Variants in TCF12 observed in about 807,000 individuals in gnomAD.
TCF12 encodes the protein DNA-binding protein HTF4.
TCF12 carries 45 observed loss-of-function variants against 86.0 expected under a neutral mutation model. The ratio of observed to expected loss-of-function variants is 0.52; its 90% CI spans 0.41 to 0.67. The LOEUF (loss-of-function observed/expected upper bound fraction) is 0.67, where lower values mean the gene tolerates loss of function less well. TCF12 is among the 30% of genes least tolerant of loss of function. The pLI, the probability that TCF12 is intolerant of heterozygous loss-of-function variation, is 0.00. For synonymous variants in TCF12, 330 were observed against 299.6 expected (o/e 1.10, Z -1.05); for missense variants, 881 against 859.9 (o/e 1.02, Z -0.31).
intron 3 of TCF12, among the ~76,000 whole-genome samples, chr15:56,941,457 C>G (rs1356669566): frequency 4.0e-5 from 6 of 151,476 alleles, no homozygotes; most frequent in African/African-American, 1.2e-4. Context: ...ACTGCAACCT[C>G]TGGCTCCCAG....
At chr15:57,101,711 G>A (rs752115686) in intron 5 of TCF12, among the ~76,000 whole-genome samples, 1 of 152,088 alleles carries the variant, frequency 6.6e-6, no homozygotes, top group Non-Finnish European at 1.5e-5. Context: ...GATATGTTTT[G>A]GTGGTTCCAC....
intron 12 of TCF12, among the ~76,000 whole-genome samples, chr15:57,241,382 G>A (rs142694419): frequency 3.9e-4 from 59 of 151,930 alleles, no homozygotes; most frequent in African/African-American, 1.2e-3. Context: ...GTGAGCTACC[G>A]CACCCGGCCT....
At chr15:57,281,685 T>C (rs2431022) in intron 19 of TCF12, 150,508 of 152,414 alleles carry the variant, frequency 0.99, 74,346 homozygotes, top group Middle Eastern at 1. Flanking sequence ...TCTAGGTTGC[T>C]TGCTCCTTAT....
intron 16 of TCF12, among the ~76,000 whole-genome samples, chr15:57,254,236 T>C (rs891226100): frequency 5.3e-5 from 8 of 152,236 alleles, no homozygotes; most frequent in African/African-American, 1.2e-4. Flanking sequence ...CTATAAGCCA[T>C]GTGATGAAGG....
chr15:57,042,437 A>C (rs75860060), intron 3 of TCF12, among the ~76,000 whole-genome samples: 1,773 of 152,088 alleles, frequency 0.012, 34 homozygotes, highest in African/African-American at 0.036. Flanking sequence ...ATATATAGAC[A>C]AAGTCTTAAC....
chr15:57,074,513 C>G (rs982952256), intron 4 of TCF12, among the ~76,000 whole-genome samples: 2 of 151,912 alleles, frequency 1.3e-5, no homozygotes, highest in African/African-American at 4.8e-5. Context: ...TTGTTTGTTT[C>G]TTTGTTTGTT....
intron 6 of TCF12, among the ~76,000 whole-genome samples, chr15:57,189,306 G>A (rs1423557749): frequency 6.6e-6 from 1 of 152,140 alleles, no homozygotes; most frequent in African/African-American, 2.4e-5. Context: ...TGAAAAGACA[G>A]TCTACAGAAT....
At chr15:57,161,583 G>T (rs1654586375) in intron 5 of TCF12, among the ~76,000 whole-genome samples, 1 of 152,076 alleles carries the variant, frequency 6.6e-6, no homozygotes, top group African/African-American at 2.4e-5. Flanking sequence ...ATAATATGTT[G>T]CTATTCTACT....
At chr15:57,061,375 T>C (rs1299403512) in intron 3 of TCF12, among the ~76,000 whole-genome samples, 5 of 152,126 alleles carry the variant, frequency 3.3e-5, no homozygotes, top group African/African-American at 1.2e-4. Flanking sequence ...GGAGAATCGC[T>C]GGAGGCCAGG....
At chr15:57,007,814 C>CT (rs1238701741) in intron 3 of TCF12, among the ~76,000 whole-genome samples, 1 of 133,868 alleles carries the variant, frequency 7.5e-6, no homozygotes, top group Non-Finnish European at 1.6e-5. Context: ...TTCTTTCTTT[C>CT]TTTCTTTTTC....
chr15:57,290,017 ATTT>A (rs34358500), downstream of TCF12, among the ~76,000 whole-genome samples: 8 of 142,684 alleles, frequency 5.6e-5, no homozygotes, highest in Non-Finnish European at 9.1e-5. Flanking sequence ...TTTTAAGAGG[ATTT>A]TTTTTTTTTT....
At chr15:57,278,419 G>T (rs1232137604) in intron 19 of TCF12, among the ~76,000 whole-genome samples, 1 of 152,048 alleles carries the variant, frequency 6.6e-6, no homozygotes, top group Non-Finnish European at 1.5e-5. Context: ...TAGATCTCTT[G>T]GAGCATTCAG....
At chr15:57,015,016 G>A (rs927776791) in intron 3 of TCF12, among the ~76,000 whole-genome samples, 11 of 152,032 alleles carry the variant, frequency 7.2e-5, no homozygotes, top group Admixed American at 3.3e-4. Context: ...TAGTCCAGGC[G>A]TGGTGGCTCA....
chr15:57,176,439 G>A (rs1461704939), intron 6 of TCF12, among the ~76,000 whole-genome samples: 3 of 152,182 alleles, frequency 2.0e-5, no homozygotes, highest in African/African-American at 7.2e-5. Flanking sequence ...CAGGATTGCA[G>A]GCCAGTTAGC....
At chr15:57,002,007 A>C (rs1422769322) in intron 3 of TCF12, among the ~76,000 whole-genome samples, 2 of 152,186 alleles carry the variant, frequency 1.3e-5, no homozygotes, top group Admixed American at 6.5e-5. Flanking sequence ...CTTGAATTTG[A>C]ATTTGAGATT....
rs115253340 is a variant in TCF12, at chr15:57,212,195, G to A, written c.579+14370G>A. 5.6e-3 allele frequency among the ~76,000 whole-genome samples: 846 copies of A among 152,232 alleles called. 13 individuals carry two copies. Among genetic ancestry groups the A allele is most frequent in the African/African-American group, 0.02 (811 of 41,520 alleles). ...CTTTCACTGGAATTATTTCAACTCA[G>A]TATGGCAATGCTTCATTTACCTTTT... is the stretch of plus-strand genomic sequence containing the variant. On this transcript the variant is annotated intron_variant, in intron 8 of 20. Coordinates refer to ENST00000333725, the MANE Select transcript of TCF12 (RefSeq NM_207037.2).
intron 11 of TCF12, among the ~76,000 whole-genome samples, chr15:57,233,392 G>A (rs1272326147): frequency 7.9e-5 from 12 of 151,808 alleles, no homozygotes; most frequent in Admixed American, 5.9e-4. Context: ...GGCCGGGGCT[G>A]GTCTGAAACT....
At chr15:57,076,041 G>C (rs935737257) in intron 4 of TCF12, among the ~76,000 whole-genome samples, 3 of 150,962 alleles carry the variant, frequency 2.0e-5, no homozygotes, top group African/African-American at 7.3e-5. Flanking sequence ...TTTTTGTAGA[G>C]ACAGGGTCTC....
chr15:57,058,363 A>T (rs1307611845), intron 3 of TCF12, among the ~76,000 whole-genome samples: 1 of 152,202 alleles, frequency 6.6e-6, no homozygotes, highest in African/African-American at 2.4e-5. Flanking sequence ...AAATCTATGT[A>T]TGAAAGTCAT....
Sources: gnomAD v4.1 joint callset for allele counts (sites outside exome capture counted in the v4.1 genomes callset) on GRCh38, gnomAD v4.1.1 for gene constraint, MANE v1.5 for transcripts, NCBI Gene and HGNC (gene_info 2026-07-23, HGNC 2026-07-21) for gene names.